SLC7A14: variants seen among roughly 807,000 people sequenced by gnomAD.
SLC7A14 encodes solute carrier family 7 member 14, also known as gamma-aminobutyric acid transporter SLC7A14.
A neutral mutation model predicts 60.2 loss-of-function variants in SLC7A14; 37 were observed. The ratio of observed to expected loss-of-function variants is 0.61; its 90% confidence interval spans 0.47 to 0.81. The LOEUF (loss-of-function observed/expected upper bound fraction) is 0.81. Ranked by LOEUF, SLC7A14 falls within the 30% of genes least tolerant of loss-of-function variation. SLC7A14 has a pLI of 0.00. For missense variants in SLC7A14, 886 were observed against 982.7 expected, an observed-to-expected ratio of 0.90 and a Z score of 1.32; for synonymous variants, 399 against 395.8, an observed-to-expected ratio of 1.01 and a Z score of -0.10.
Position 170,480,370 on chromosome 3 carries a change from A to G in SLC7A14, c.1912T>C (p.Phe638Leu), listed in dbSNP as rs757142386. The G allele has an allele frequency of 1.2e-6, 2 of 1,606,718 alleles. No homozygotes were observed. Among genetic ancestry groups the G allele is most frequent in the South Asian group, 2.2e-5 (2 of 89,968 alleles). ...AGATAGATGTTCACCAGCATGGCAA[A>G]GGCAGGCACAAAGGGGAGGCAAGGG... ...MAPCLPFVPA[F>L]AMLVNIYLML... Residue 638 changes from phenylalanine (F) to leucine (L), a missense_variant, in exon 7 of 8, where the codon TTT (phenylalanine) becomes CTT (leucine). Physicochemically the swap from Phe to Leu is conservative, Grantham distance 22 (BLOSUM62 0). Coordinates refer to ENST00000231706, the MANE Select transcript of SLC7A14 (RefSeq NM_020949.3).
At position 170,486,320 on chromosome 3, in the gene SLC7A14, T is replaced by C. The variant is rs750998486; in HGVS notation, c.808A>G (p.Ile270Val). The C allele has an allele frequency of 8.1e-6, 13 of 1,614,090 alleles. No homozygotes were observed. Among genetic ancestry groups the C allele is most frequent in the Middle Eastern group, 1.6e-4 (1 of 6,084 alleles). ...GCTTCCTCTCCAGTGGTGGCGATGA[T>C]GTCAAAGCCAATGAAAGCGTAGAAG... ...TCFYAFIGFD[I>V]IATTGEEAKN... is the part of the protein sequence containing the mutation. Residue 270 changes from isoleucine (I) to valine (V), a missense_variant, in exon 5 of 8, where the codon ATC (isoleucine) becomes GTC (valine). Physicochemically the swap from Ile to Val is conservative, Grantham distance 29. Coordinates refer to ENST00000231706, the MANE Select transcript of SLC7A14 (RefSeq NM_020949.3).
At chr3:170,577,358 C>T (rs902984788) in intron 1 of SLC7A14, among the ~76,000 whole-genome samples, 3 of 152,058 alleles carry the variant, frequency 2.0e-5, no homozygotes, top group Non-Finnish European at 4.4e-5. Flanking sequence ...GTGGCTCACG[C>T]CTGTAATCCC....
At chr3:170,501,511 C>G (rs181882609) in intron 2 of SLC7A14, among the ~76,000 whole-genome samples, 166 bp from the exon 3 acceptor site, 35 of 152,312 alleles carry the variant, frequency 2.3e-4, no homozygotes, top group African/African-American at 6.7e-4. Context: ...CCTCTTCCAA[C>G]CTCACTTCTG....
intron 2 of SLC7A14, among the ~76,000 whole-genome samples, chr3:170,518,199 C>T (rs1363678099): frequency 3.9e-5 from 6 of 152,134 alleles, no homozygotes; most frequent in African/African-American, 7.2e-5. Context: ...TACATGAAAG[C>T]GCCTTCCATG....
intron 4 of SLC7A14, among the ~76,000 whole-genome samples, chr3:170,488,227 A>G (rs1159155750): frequency 6.6e-6 from 1 of 152,204 alleles, no homozygotes; most frequent in East Asian, 1.9e-4. Flanking sequence ...GAAAATTTAA[A>G]AACTCCTGGT....
At chr3:170,517,680 A>G (rs1713210008) in intron 2 of SLC7A14, among the ~76,000 whole-genome samples, 1 of 152,206 alleles carries the variant, frequency 6.6e-6, no homozygotes, top group Admixed American at 6.5e-5. Context: ...TGCAAGAACC[A>G]GCCCAGGAGG....
chr3:170,581,007 G>A (rs546525127), intron 1 of SLC7A14, among the ~76,000 whole-genome samples: 4 of 152,260 alleles, frequency 2.6e-5, no homozygotes, highest in Non-Finnish European at 5.9e-5. Context: ...GCGGGAGTAG[G>A]TCATAGATGC....
At chr3:170,478,021 G>GA (rs1326888826) in intron 7 of SLC7A14, among the ~76,000 whole-genome samples, 2 of 152,064 alleles carry the variant, frequency 1.3e-5, no homozygotes, top group Non-Finnish European at 2.9e-5. Context: ...TGTTCCAGTG[G>GA]AAAAATGTTT....
chr3:170,498,975 T>C (rs906469784), intron 3 of SLC7A14, 91 bp from the exon 4 acceptor site: 2 of 1,259,530 alleles, frequency 1.6e-6, no homozygotes, highest in South Asian at 1.4e-5. Context: ...CGTACTCAGC[T>C]TTAAGAAGGG....
intron 1 of SLC7A14, among the ~76,000 whole-genome samples, chr3:170,533,308 G>A (rs1407580304): frequency 6.6e-6 from 1 of 152,198 alleles, no homozygotes; most frequent in Admixed American, 6.5e-5. Context: ...GGTCTGCTCA[G>A]CTCTGACAGA....
rs147605329 is a variant in SLC7A14 at position 170,571,480 on chromosome 3, A to G, written c.-153+14431T>C. Among the ~76,000 whole-genome samples the G allele has an allele frequency of 4.7e-3, 714 of 152,312 alleles. 7 individuals are homozygous for G. The highest frequency in any genetic ancestry group is 0.016 in the African/African-American group (682 of 41,568). ...TTTCCTTGACAGTTACGTGAGACTA[A>G]TTCAAGTCACTTCACTGATGAAGAA... On this transcript the variant is annotated intron_variant, in intron 1 of 7. Coordinates refer to ENST00000231706, the MANE Select transcript of SLC7A14 (RefSeq NM_020949.3).
intron 2 of SLC7A14, among the ~76,000 whole-genome samples, chr3:170,515,631 G>GC (rs968917181): frequency 6.6e-6 from 1 of 151,814 alleles, no homozygotes; most frequent in East Asian, 1.9e-4. Flanking sequence ...TGTTGGGGTG[G>GC]GGGGGGAGTT....
At chr3:170,501,598 G>GA (rs1712611153) in intron 2 of SLC7A14, among the ~76,000 whole-genome samples, 1 of 152,172 alleles carries the variant, frequency 6.6e-6, no homozygotes, top group Admixed American at 6.5e-5. Context: ...TCTTTATTTA[G>GA]AAAAAATTCC....
rs146635817 is a variant in SLC7A14, at chr3:170,481,037, C to A, written c.1245G>T (p.Thr415=). ...CAGAGACCAAGGTGTAGGCCAGGAG[C>A]GTGCCGATAGACATCATCTCTATCA... ...RDLIEMMSIG[T]LLAYTLVSVC... is the part of the protein sequence containing the mutation. The change falls in exon 7 of 8, where the codon ACG becomes ACT. Residue 415 remains threonine, a synonymous_variant. Transcript: ENST00000231706. The A allele has an allele frequency of 6.2e-7, 1 of 1,614,026 alleles. No homozygotes were observed. Among genetic ancestry groups the A allele is most frequent in the South Asian group, 1.1e-5 (1 of 91,074 alleles).
intron 1 of SLC7A14, among the ~76,000 whole-genome samples, chr3:170,577,466 A>G (rs1560286077): frequency 1.3e-5 from 2 of 148,866 alleles, no homozygotes. Flanking sequence ...AAAATACAAA[A>G]ACTTAGCCGG....
chr3:170,539,963 A>G (rs915138821), intron 1 of SLC7A14, among the ~76,000 whole-genome samples: 1 of 152,240 alleles, frequency 6.6e-6, no homozygotes, highest in Non-Finnish European at 1.5e-5. Context: ...TGGGGCCAGT[A>G]TTAAGTAAAA....
At chr3:170,557,365 C>T (rs893945056) in intron 1 of SLC7A14, among the ~76,000 whole-genome samples, 3 of 151,944 alleles carry the variant, frequency 2.0e-5, no homozygotes, top group Non-Finnish European at 4.4e-5. Flanking sequence ...GGTGGGAAAT[C>T]GGAGTTGTCC....
At chr3:170,510,504 GTC>G (rs1301655959) in intron 2 of SLC7A14, among the ~76,000 whole-genome samples, 6 of 152,044 alleles carry the variant, frequency 3.9e-5, no homozygotes, top group Non-Finnish European at 1.5e-5. Flanking sequence ...TGAAGGTACA[GTC>G]TCTATAATAT....
At chr3:170,489,337 G>A (rs985827222) in intron 4 of SLC7A14, among the ~76,000 whole-genome samples, 1 of 152,124 alleles carries the variant, frequency 6.6e-6, no homozygotes, top group African/African-American at 2.4e-5. Flanking sequence ...GACATACAGA[G>A]GGCAAACAGG....
Sources: allele counts gnomAD v4.1 joint callset (sites outside exome capture counted in the v4.1 genomes callset), GRCh38; gene constraint gnomAD v4.1.1; transcripts MANE v1.5; gene names NCBI Gene and HGNC (gene_info 2026-07-23, HGNC 2026-07-21).